The following SCEL variants were observed in gnomAD, a reference collection of about 807,000 sequenced individuals.
SCEL encodes the protein sciellin.
SCEL carries 113 observed loss-of-function variants against 117.6 expected under a neutral mutation model. That is an observed-to-expected ratio of 0.96 (90% CI 0.83 to 1.12). The LOEUF (loss-of-function observed/expected upper bound fraction) is 1.12, where lower values mean the gene tolerates loss of function less well. SCEL is among the 50% of genes most tolerant of loss of function. The pLI is 0.00. For synonymous variants in SCEL, 270 were observed against 256.2 expected, an observed-to-expected ratio of 1.05 and a Z score of -0.51; for missense variants, 785 against 810.8, an observed-to-expected ratio of 0.97 and a Z score of 0.39.
chr13:77,568,811 A>G (rs1220331141), intron 7 of SCEL, among the ~76,000 whole-genome samples: 1 of 152,224 alleles, frequency 6.6e-6, no homozygotes, highest in Non-Finnish European at 1.5e-5. Context: ...GGTTATAAGC[A>G]GCCCAAATCA....
At chr13:77,622,620 G>A (rs1267497506) in intron 27 of SCEL, among the ~76,000 whole-genome samples, 1 of 152,162 alleles carries the variant, frequency 6.6e-6, no homozygotes, top group Non-Finnish European at 1.5e-5. Flanking sequence ...CTGGTACTTT[G>A]GGAGGCTGAG....
At chr13:77,584,116 G>T (rs532162626) in intron 9 of SCEL, among the ~76,000 whole-genome samples, 2 of 152,174 alleles carry the variant, frequency 1.3e-5, no homozygotes, top group Non-Finnish European at 2.9e-5. Context: ...CTTAAACATC[G>T]CATCTCAAAG....
At chr13:77,572,075 G>C in intron 8 of SCEL, 49 bp from the exon 9 acceptor site, 1 of 1,464,838 alleles carries the variant, frequency 6.8e-7, no homozygotes, top group South Asian at 1.1e-5. Flanking sequence ...CATGTGGGTG[G>C]GATCAGCCTT....
chr13:77,562,383 G>A (rs2085033657), intron 4 of SCEL, among the ~76,000 whole-genome samples: 1 of 152,158 alleles, frequency 6.6e-6, no homozygotes, highest in Admixed American at 6.5e-5. Context: ...CTCTGGGGTT[G>A]TATTAAAAAT....
At chr13:77,587,712 C>T (rs920331421) in intron 9 of SCEL, among the ~76,000 whole-genome samples, 1 of 152,138 alleles carries the variant, frequency 6.6e-6, no homozygotes, top group Non-Finnish European at 1.5e-5. Flanking sequence ...TGGGATGCCA[C>T]GCCCTTCTAT....
intron 5 of SCEL, among the ~76,000 whole-genome samples, chr13:77,566,988 T>C (rs1247095318): frequency 6.6e-6 from 1 of 152,070 alleles, no homozygotes; most frequent in Non-Finnish European, 1.5e-5. Flanking sequence ...TGCAAACACA[T>C]AATATTGTTT....
chr13:77,585,413 G>A (rs1410821626), intron 9 of SCEL, among the ~76,000 whole-genome samples: 2 of 152,152 alleles, frequency 1.3e-5, no homozygotes, highest in African/African-American at 4.8e-5. Flanking sequence ...ATGGTGGGGT[G>A]CATTAGGAAG....
intron 16 of SCEL, chr13:77,602,453 T>C (rs867506608): frequency 9.5e-6 from 5 of 525,958 alleles, no homozygotes; most frequent in Non-Finnish European, 1.7e-5. Flanking sequence ...GAAGCCTTTC[T>C]AAACTGATTT....
At chr13:77,567,552 C>A in intron 5 of SCEL, 128 bp from the exon 6 acceptor site, 1 of 649,544 alleles carries the variant, frequency 1.5e-6, no homozygotes, top group Non-Finnish European at 2.6e-6. Context: ...TAAAATGTAA[C>A]ACTTGAAAAA....
At chr13:77,609,764 G>A (rs1008247631) in intron 21 of SCEL, among the ~76,000 whole-genome samples, 6 of 152,164 alleles carry the variant, frequency 3.9e-5, no homozygotes, top group African/African-American at 1.2e-4. Flanking sequence ...TAGGATTGAT[G>A]TGAGTATTAA....
intron 30 of SCEL, among the ~76,000 whole-genome samples, chr13:77,638,128 AAC>A (rs1276677387): frequency 1.3e-5 from 2 of 152,210 alleles, no homozygotes; most frequent in Non-Finnish European, 2.9e-5. Context: ...CTCAGCTTCT[AAC>A]ACAGTGCTTG....
At position 77,610,146 on chromosome 13, in the gene SCEL, T is replaced by C. The variant is rs763274727; in HGVS notation, c.1337+40T>C. 12 of 1,446,432 alleles carry C rather than the reference T, an allele frequency of 8.3e-6. No homozygotes were observed. In the East Asian group the frequency reaches 2.8e-4, roughly 34 times the overall value. The allele number at this position is 1,446,432 out of a possible 1,614,324, so 89.6% of individuals were successfully genotyped here. A position where few individuals can be genotyped will look rare whatever the true frequency, so the allele number is the denominator to read the frequency against. On this transcript the variant is annotated intron_variant, in intron 22 of 32. Transcript: ENST00000349847. ...ACTCTCTATTTCTCCCCCCTTTTTT[T>C]TTCCTAATGAGCTTAAAAACATGAC...
Position 77,602,124 on chromosome 13 carries a change from G to A in SCEL, c.977G>A (p.Gly326Glu). 6.2e-7 allele frequency: 1 copy of A among 1,610,304 alleles called. No homozygotes were observed. Among genetic ancestry groups the A allele is most frequent in the Non-Finnish European group, 8.5e-7 (1 of 1,178,314 alleles). ...VNQRTDKNEKGRQNLESVAKV... is the reference protein window; with the variant it reads ...VNQRTDKNEKERQNLESVAKV... Reference sequence around the variant, plus strand: ...CAAAGGACTGACAAAAATGAGAAAGGGTAAGTCAATCTCCTACCTTGATGG... The same window carrying A: ...CAAAGGACTGACAAAAATGAGAAAGAGTAAGTCAATCTCCTACCTTGATGG... Residue 326 changes from glycine to glutamate, a missense_variant and splice_region_variant, in exon 16 of 33, where the codon GGA becomes GAA. Physicochemically the swap from Gly to Glu is moderately conservative, Grantham distance 98 (BLOSUM62 -2). Coordinates refer to ENST00000349847, the MANE Select transcript of SCEL (RefSeq NM_144777.3).
chr13:77,586,046 A>G (rs1337162543), intron 9 of SCEL, among the ~76,000 whole-genome samples: 3 of 152,122 alleles, frequency 2.0e-5, no homozygotes, highest in African/African-American at 7.2e-5. Flanking sequence ...CTTTGAAGCC[A>G]TGCCCTTGTG....
intron 5 of SCEL, among the ~76,000 whole-genome samples, chr13:77,566,930 G>A (rs1309800399): frequency 6.6e-6 from 1 of 152,032 alleles, no homozygotes; most frequent in Non-Finnish European, 1.5e-5. Flanking sequence ...AATGAAGGTT[G>A]GAAAATGTGG....
chr13:77,634,591 A>C (rs959396919), intron 29 of SCEL, 141 bp downstream of exon 29: 2 of 531,480 alleles, frequency 3.8e-6, no homozygotes, highest in Non-Finnish European at 6.6e-6. Flanking sequence ...CTATATATAT[A>C]TAATTCTCTA....
At chr13:77,557,187 A>G (rs887445972) in intron 3 of SCEL, among the ~76,000 whole-genome samples, 2 of 152,226 alleles carry the variant, frequency 1.3e-5, no homozygotes, top group East Asian at 1.9e-4. Context: ...TCTACTTCTA[A>G]GTACTGGGAA....
At chr13:77,604,293 T>G in intron 18 of SCEL, 63 bp from the exon 19 acceptor site, 1 of 1,016,590 alleles carries the variant, frequency 9.8e-7, no homozygotes, top group Non-Finnish European at 1.4e-6. Context: ...TTTCCAGCCA[T>G]TATTCATCTG....
intron 9 of SCEL, among the ~76,000 whole-genome samples, chr13:77,577,402 G>A (rs1306643540): frequency 6.6e-6 from 1 of 152,088 alleles, no homozygotes; most frequent in Admixed American, 6.5e-5. Flanking sequence ...AAGCGGGGGA[G>A]GATGCCAGAC....
Sources: allele counts gnomAD v4.1 joint callset (sites outside exome capture counted in the v4.1 genomes callset), GRCh38; gene constraint gnomAD v4.1.1; transcripts MANE v1.5; gene names NCBI Gene and HGNC (gene_info 2026-07-23, HGNC 2026-07-21).